PHF8: variants seen among roughly 807,000 people sequenced by gnomAD.
PHF8 encodes PHD finger protein 8.
PHF8 carries 9 observed loss-of-function variants against 74.4 expected under a neutral mutation model. That is an observed-to-expected ratio of 0.12 (90% CI 0.07 to 0.21). PHF8 has a LOEUF of 0.21. Among genes scored for constraint, PHF8 ranks in the 10% least tolerant of loss-of-function variants. The probability of loss-of-function intolerance (pLI) is 1.00; values close to 1 mark genes in which losing one functional copy is unlikely to be tolerated. For missense variants in PHF8, 478 were observed against 816.6 expected (o/e 0.59, Z 5.05); for synonymous variants, 311 against 316.6 (o/e 0.98, Z 0.19).
intron 18 of PHF8, among the ~76,000 whole-genome samples, chrX:53,984,090 G>A (rs1265356344): frequency 2.7e-5 from 3 of 112,344 alleles, no homozygotes; most frequent in Admixed American, 9.4e-5. Context: ...GGCCGGGCGC[G>A]ATGGCTCACG....
chrX:54,006,572 T>C (rs1557105376), intron 8 of PHF8, among the ~76,000 whole-genome samples: 2 of 111,631 alleles, frequency 1.8e-5, no homozygotes. Context: ...TATAAAGTAA[T>C]AATTAGAGCA....
intron 21 of PHF8, 110 bp from the exon 22 acceptor site, chrX:53,939,356 T>G (rs948222375): frequency 8.2e-5 from 50 of 606,135 alleles, no homozygotes; most frequent in Non-Finnish European, 1.1e-4. Context: ...ACCCACAAAG[T>G]TTCTCCATCC....
chrX:53,993,671 T>C lies in PHF8; in HGVS notation c.1556A>G (p.Gln519Arg), dbSNP rs782547411. The C allele has an allele frequency of 8.3e-7, 1 of 1,210,490 alleles. No individual in the cohort carries two copies. The highest frequency in any genetic ancestry group is 1.8e-5 in the South Asian group (1 of 56,993). ...KESSALGPAG[Q>R]LSYNLMDTYS... The stretch of plus-strand genomic sequence containing the variant: ...TGTGTCCATGAGATTATAGCTCAAC[T>C]GGCCAGCAGGCCCCAAGGCTGAACT... The change falls in exon 13 of 22, where the codon CAG becomes CGG. Residue 519 changes from glutamine (Q) to arginine (R), a missense_variant. Coordinates refer to ENST00000338154, the MANE Select transcript of PHF8 (RefSeq NM_015107.3).
intron 21 of PHF8, among the ~76,000 whole-genome samples, chrX:53,939,538 C>T (rs1316861482): frequency 9.0e-6 from 1 of 111,554 alleles, no homozygotes; most frequent in Non-Finnish European, 1.9e-5. Flanking sequence ...CAAGATCCTG[C>T]AGGGAGGTAA....
intron 19 of PHF8, chrX:53,944,591 G>A (rs1557084573): frequency 4.9e-6 from 1 of 202,230 alleles, no homozygotes; most frequent in African/African-American, 2.9e-5. Context: ...GGTGGCATGT[G>A]CCTGTAGTCC....
At chrX:53,993,250 G>A (rs2065696054) in intron 13 of PHF8, among the ~76,000 whole-genome samples, 1 of 111,461 alleles carries the variant, frequency 9.0e-6, no homozygotes, top group African/African-American at 3.3e-5. Context: ...TTTCTGAAAA[G>A]AGCTCCTGAA....
rs782552233 is a variant in PHF8, at chrX:53,993,773, G to A, written c.1454C>T (p.Pro485Leu). ...TTTCTTCTTTGAACCATTTTTGGAGGGCAGTGACAGCCTGGACATGGACAC... is the reference window on the plus strand; with the variant it reads ...TTTCTTCTTTGAACCATTTTTGGAGAGCAGTGACAGCCTGGACATGGACAC... Reference protein sequence around the residue: ...TSVSMSRLSLPSKNGSKKKGL... With the variant: ...TSVSMSRLSLLSKNGSKKKGL... Residue 485 changes from proline (P) to leucine (L), a missense_variant, in exon 13 of 22, where the codon CCC (proline) becomes CTC (leucine). By Grantham distance (98) the Pro-to-Leu change is moderately conservative (BLOSUM62 -3). Coordinates refer to ENST00000338154, the MANE Select transcript of PHF8 (RefSeq NM_015107.3). 1 of 1,209,782 alleles carries A rather than the reference G, an allele frequency of 8.3e-7. No homozygotes were observed. Among genetic ancestry groups the A allele is most frequent in the African/African-American group, 1.7e-5 (1 of 57,448 alleles).
At chrX:54,048,416 A>C (rs1213997338), upstream of PHF8, among the ~76,000 whole-genome samples, 1 of 112,181 alleles carries the variant, frequency 8.9e-6, no homozygotes, top group Non-Finnish European at 1.9e-5. Context: ...AGGCAGTCAC[A>C]GTTAATTCAA....
intron 8 of PHF8, among the ~76,000 whole-genome samples, chrX:54,007,951 C>T (rs782158217): frequency 8.7e-4 from 98 of 112,270 alleles, no homozygotes; most frequent in African/African-American, 1.3e-3. Flanking sequence ...AACTCGTACA[C>T]GAATGTTCAT....
chrX:53,955,557 C>CTTTTTTTTTTTTTTTTTTTTTTTTT (rs369969712), intron 19 of PHF8, among the ~76,000 whole-genome samples: 1 of 72,994 alleles, frequency 1.4e-5, no homozygotes, highest in Non-Finnish European at 2.5e-5. Context: ...CTCTTCTTTT[C>CTTTTTTTTTTTTTTTTTTTTTTTTT]TTTTTTTTTT....
intron 18 of PHF8, among the ~76,000 whole-genome samples, chrX:53,974,839 G>C (rs782483222): frequency 8.9e-6 from 1 of 112,132 alleles, no homozygotes; most frequent in African/African-American, 3.2e-5. Flanking sequence ...GTTCTCACTT[G>C]TAAGTGGGAG....
intron 1 of PHF8, 136 bp from the exon 2 acceptor site, chrX:54,042,956 G>GA (rs1357149208): frequency 1.8e-6 from 1 of 549,054 alleles, no homozygotes; most frequent in Non-Finnish European, 2.7e-6. Flanking sequence ...GGCAACCAGA[G>GA]AAAGTCCACC....
chrX:53,973,513 G>A (rs1419709149), intron 18 of PHF8, among the ~76,000 whole-genome samples: 2 of 111,027 alleles, frequency 1.8e-5, no homozygotes, highest in South Asian at 3.8e-4. Flanking sequence ...TCTAATCTTC[G>A]ACAAACCTGA....
chrX:54,036,796 C>T (rs1426327650), intron 2 of PHF8, among the ~76,000 whole-genome samples: 35 of 106,906 alleles, frequency 3.3e-4, no homozygotes, highest in African/African-American at 1.2e-3. Flanking sequence ...GTCAGGAGTT[C>T]GAGACTAGCC....
intron 18 of PHF8, among the ~76,000 whole-genome samples, chrX:53,978,006 T>TG (rs1221283391): frequency 9.9e-6 from 1 of 100,575 alleles, no homozygotes; most frequent in Non-Finnish European, 2.0e-5. Flanking sequence ...AGTGCAGTGA[T>TG]GCAATCTCGG....
At chrX:53,939,711 G>A (rs2064720314) in intron 21 of PHF8, among the ~76,000 whole-genome samples, 2 of 111,031 alleles carry the variant, frequency 1.8e-5, no homozygotes, top group Non-Finnish European at 3.8e-5. Context: ...ATGCCCTTGA[G>A]CTGCGTACTC....
chrX:53,960,680 C>T (rs1055440405), intron 19 of PHF8, among the ~76,000 whole-genome samples: 25 of 108,242 alleles, frequency 2.3e-4, no homozygotes, highest in East Asian at 3.0e-4. Context: ...ACCCGGGAGG[C>T]GGAGATTGCA....
Position 54,043,778 on chromosome X carries a change from C to T in PHF8, c.-109G>A, listed in dbSNP as rs781977916. On this transcript the variant is annotated 5_prime_UTR_variant, in exon 1 of 22. Transcript: ENST00000338154. ...AAAACTTACAGGAATCTTAACGCTT[C>T]CCCAACTGACAGGAACCTCCTCACG... is the stretch of plus-strand genomic sequence containing the variant. 1.9e-5 allele frequency: 14 copies of T among 745,107 alleles called. No individual in the cohort carries two copies. Among genetic ancestry groups the T allele is most frequent in the Non-Finnish European group, 2.1e-5 (13 of 630,841 alleles). 61.4% of individuals were successfully genotyped at this position (745,107 alleles called of 1,213,427 possible).
Position 54,044,275 on chromosome X carries a change from C to G in PHF8, c.-606G>C. The G allele has an allele frequency of 1.3e-6, 1 of 754,916 alleles. No homozygotes were observed. Among genetic ancestry groups the G allele is most frequent in the African/African-American group, 2.3e-5 (1 of 44,114 alleles). 62.2% of individuals were successfully genotyped at this position (754,916 alleles called of 1,213,427 possible). ...AACCGGCCGCCACGTCCGAGGCACA[C>G]GGCCCGAAAAGTCGCTGGGAGAAGC... On this transcript the variant is annotated 5_prime_UTR_variant, in exon 1 of 22. Transcript: ENST00000338154.
Sources: gnomAD v4.1 joint callset for allele counts (sites outside exome capture counted in the v4.1 genomes callset) on GRCh38, gnomAD v4.1.1 for gene constraint, MANE v1.5 for transcripts, NCBI Gene and HGNC (gene_info 2026-07-23, HGNC 2026-07-21) for gene names.